Variants in DIP2C observed in about 807,000 individuals in gnomAD.
DIP2C encodes the protein disco-interacting protein 2 homolog C.
A neutral mutation model predicts 192.4 loss-of-function variants in DIP2C; 33 were observed. The observed-to-expected ratio is 0.17, with a 90% CI of 0.13 to 0.23. The LOEUF is 0.23. Ranked by LOEUF, DIP2C falls within the 10% of genes least tolerant of loss-of-function variation. DIP2C has a pLI of 1.00. For missense variants in DIP2C, 1,537 were observed against 2,110.1 expected (o/e 0.73, Z 5.32); for synonymous variants, 979 against 864.1 (o/e 1.13, Z -2.33).
At chr10:381,104 G>A (rs1163071051) in intron 17 of DIP2C, among the ~76,000 whole-genome samples, 1 of 152,174 alleles carries the variant, frequency 6.6e-6, no homozygotes, top group African/African-American at 2.4e-5. Context: ...CAGGTTCTAA[G>A]GACCAGCATT....
At chr10:606,168 C>A (rs1327073542) in intron 1 of DIP2C, among the ~76,000 whole-genome samples, 1 of 152,232 alleles carries the variant, frequency 6.6e-6, no homozygotes, top group African/African-American at 2.4e-5. Context: ...GTCCTCAGAA[C>A]GAGTCCTGCA....
intron 10 of DIP2C, among the ~76,000 whole-genome samples, chr10:392,798 C>T (rs1398792256): frequency 1.3e-5 from 2 of 150,900 alleles, no homozygotes; most frequent in South Asian, 2.1e-4. Context: ...TGCACACACG[C>T]GGATGCGCAC....
rs550362271 is a variant in DIP2C at position 295,278 on chromosome 10, T to C, written c.3987-6857A>G. On this transcript the variant is annotated intron_variant, in intron 32 of 36. Coordinates refer to ENST00000280886, the MANE Select transcript of DIP2C (RefSeq NM_014974.3). ...TCTCATTCCAGTTAGATGGCTATTATTGGCCGGGCGCGGTGGCTTACGCCT... is the reference window on the plus strand; with the variant it reads ...TCTCATTCCAGTTAGATGGCTATTACTGGCCGGGCGCGGTGGCTTACGCCT... Among the ~76,000 whole-genome samples the C allele has an allele frequency of 9.2e-5, 14 of 152,226 alleles. No homozygotes were observed. The East Asian group carries it at 2.5e-3, about 27-fold the overall frequency.
intron 1 of DIP2C, among the ~76,000 whole-genome samples, chr10:674,829 G>GAGAGAGAC (rs1467929602): frequency 7.0e-6 from 1 of 142,936 alleles, no homozygotes; most frequent in South Asian, 2.3e-4. Context: ...GAGAGAGAGA[G>GAGAGAGAC]ACCAACACAA....
chr10:626,621 C>T (rs1387606144), intron 1 of DIP2C, among the ~76,000 whole-genome samples: 2 of 152,112 alleles, frequency 1.3e-5, no homozygotes, highest in Non-Finnish European at 2.9e-5. Context: ...CAGCTGCACC[C>T]AGAGGCATTC....
At chr10:388,700 G>C (rs1332484203) in intron 13 of DIP2C, among the ~76,000 whole-genome samples, 1 of 152,224 alleles carries the variant, frequency 6.6e-6, no homozygotes, top group African/African-American at 2.4e-5. Context: ...CACACACGCT[G>C]TTTTTAAAAG....
At chr10:683,559 G>A (rs184978545) in intron 1 of DIP2C, among the ~76,000 whole-genome samples, 4 of 152,278 alleles carry the variant, frequency 2.6e-5, no homozygotes, top group South Asian at 2.1e-4. Context: ...ACCAAAGGGC[G>A]CCATAGACGT....
Position 415,753 on chromosome 10 carries a change from T to G in DIP2C, c.859+16A>C. 6.2e-7 allele frequency: 1 copy of G among 1,613,698 alleles called. No homozygotes were observed. Among genetic ancestry groups the G allele is most frequent in the Non-Finnish European group, 8.5e-7 (1 of 1,179,784 alleles). ...AGGAGCATCTGGAAGAAACGTGTGG[T>G]AAAGAGTTCTCTCACCTTCTAATAA... is the stretch of plus-strand genomic sequence containing the variant. On this transcript the variant is annotated intron_variant, in intron 7 of 36. Transcript: ENST00000280886.
intron 1 of DIP2C, among the ~76,000 whole-genome samples, chr10:590,028 G>T (rs1315874306): frequency 6.6e-6 from 1 of 152,226 alleles, no homozygotes; most frequent in Admixed American, 6.5e-5. Context: ...GTTCAAACAG[G>T]AGAAAGGTAG....
chr10:456,037 C>T (rs1183156025), intron 3 of DIP2C, among the ~76,000 whole-genome samples: 1 of 56,148 alleles, frequency 1.8e-5, no homozygotes, highest in African/African-American at 1.8e-4. Flanking sequence ...GATGAAAACA[C>T]TCTGCAGTGA....
intron 17 of DIP2C, among the ~76,000 whole-genome samples, chr10:382,218 A>G (rs1255238590): frequency 2.0e-5 from 3 of 152,196 alleles, no homozygotes; most frequent in Non-Finnish European, 4.4e-5. Flanking sequence ...CCAGAGACAG[A>G]CAATGAAAAA....
chr10:316,290 TACCCC>T, intron 31 of DIP2C, among the ~76,000 whole-genome samples: 1 of 152,202 alleles, frequency 6.6e-6, no homozygotes, highest in African/African-American at 2.4e-5. Flanking sequence ...AAATAACATT[TACCCC>T]CAGAAAAGAA....
At chr10:566,659 C>A (rs1849483842) in intron 1 of DIP2C, among the ~76,000 whole-genome samples, 1 of 152,256 alleles carries the variant, frequency 6.6e-6, no homozygotes, top group African/African-American at 2.4e-5. Flanking sequence ...AACCCCTGGC[C>A]AAGATTTCTT....
Position 318,543 on chromosome 10 carries a change from C to T in DIP2C, c.3925-8451G>A, listed in dbSNP as rs140299275. Among the ~76,000 whole-genome samples, 188 of 152,338 alleles carry T rather than the reference C, an allele frequency of 1.2e-3. 1 individual carries two copies. The highest frequency in any genetic ancestry group is 4.0e-3 in the African/African-American group (165 of 41,582). ...GCGGTTCCCATAGGCAGGTTCCCAACGCTGGTCCTACTCCCTTGGTGGTTC... is the reference window on the plus strand; with the variant it reads ...GCGGTTCCCATAGGCAGGTTCCCAATGCTGGTCCTACTCCCTTGGTGGTTC... On this transcript the variant is annotated intron_variant, in intron 31 of 36. Coordinates refer to ENST00000280886, the MANE Select transcript of DIP2C (RefSeq NM_014974.3).
chr10:407,448 C>A (rs1964885074), intron 9 of DIP2C, among the ~76,000 whole-genome samples: 1 of 152,134 alleles, frequency 6.6e-6, no homozygotes, highest in Non-Finnish European at 1.5e-5. Flanking sequence ...GGTACACACC[C>A]CGAAGCAGAA....
At chr10:528,684 C>T (rs1032074977) in intron 1 of DIP2C, among the ~76,000 whole-genome samples, 12 of 152,194 alleles carry the variant, frequency 7.9e-5, no homozygotes, top group African/African-American at 2.4e-4. Context: ...TCCTCTCCTC[C>T]GGGAGCACGT....
intron 1 of DIP2C, among the ~76,000 whole-genome samples, chr10:518,438 G>C (rs1262824272): frequency 6.6e-6 from 1 of 152,264 alleles, no homozygotes; most frequent in Non-Finnish European, 1.5e-5. Flanking sequence ...CTTTCCCCCA[G>C]AAACGCACAG....
At chr10:457,811 T>G (rs1462134728) in intron 3 of DIP2C, among the ~76,000 whole-genome samples, 2 of 152,168 alleles carry the variant, frequency 1.3e-5, no homozygotes, top group Admixed American at 6.5e-5. Flanking sequence ...CACCTCGGCC[T>G]CCCAAAGTGC....
At chr10:459,206 CCAAA>C (rs577466014) in intron 3 of DIP2C, among the ~76,000 whole-genome samples, 65 of 152,220 alleles carry the variant, frequency 4.3e-4, no homozygotes, top group East Asian at 4.3e-3. Flanking sequence ...TCCCCCACCC[CCAAA>C]CAGACAGCCA....
Sources: gnomAD v4.1 joint callset for allele counts (sites outside exome capture counted in the v4.1 genomes callset) on GRCh38, gnomAD v4.1.1 for gene constraint, MANE v1.5 for transcripts, NCBI Gene and HGNC (gene_info 2026-07-23, HGNC 2026-07-21) for gene names.